STXBP4: variants seen among roughly 807,000 people sequenced by gnomAD.
STXBP4 encodes the protein syntaxin-binding protein 4.
STXBP4 carries 55 observed loss-of-function variants against 76.1 expected under a neutral mutation model. The observed-to-expected ratio is 0.72, with a 90% CI of 0.58 to 0.91. The LOEUF is 0.91. Among genes scored for constraint, STXBP4 ranks in the 40% least tolerant of loss-of-function variants. The probability of loss-of-function intolerance (pLI) is 0.00; values close to 1 mark genes in which losing one functional copy is unlikely to be tolerated. For synonymous variants in STXBP4, 201 were observed against 220.2 expected, an observed-to-expected ratio of 0.91 and a Z score of 0.77; for missense variants, 618 against 636.9, an observed-to-expected ratio of 0.97 and a Z score of 0.32.
At chr17:55,000,600 G>C (rs2077894948) in intron 6 of STXBP4, among the ~76,000 whole-genome samples, 1 of 152,054 alleles carries the variant, frequency 6.6e-6, no homozygotes, top group Admixed American at 6.5e-5. Context: ...CTTATATTTT[G>C]TTATCCTTGG....
At chr17:55,092,175 T>A (rs1458646539) in intron 16 of STXBP4, among the ~76,000 whole-genome samples, 2 of 151,604 alleles carry the variant, frequency 1.3e-5, no homozygotes, top group Non-Finnish European at 1.5e-5. Flanking sequence ...TGGGAGGGGG[T>A]TAAGGGATAA....
intron 3 of STXBP4, among the ~76,000 whole-genome samples, chr17:54,988,071 A>G (rs1047019589): frequency 2.0e-5 from 3 of 152,236 alleles, no homozygotes; most frequent in Admixed American, 1.3e-4. Context: ...TGCTATGAAC[A>G]TATAAATTTA....
intron 16 of STXBP4, among the ~76,000 whole-genome samples, chr17:55,139,206 T>C (rs959855638): frequency 6.6e-6 from 1 of 152,174 alleles, no homozygotes; most frequent in Non-Finnish European, 1.5e-5. Context: ...GCAGAAATTC[T>C]ATTCTGATGG....
At chr17:55,127,674 A>G (rs750922579) in intron 16 of STXBP4, among the ~76,000 whole-genome samples, 15 of 152,318 alleles carry the variant, frequency 9.8e-5, no homozygotes, top group Non-Finnish European at 1.9e-4. Flanking sequence ...ATAACCCTCT[A>G]TGAAGGTGTT....
intron 8 of STXBP4, among the ~76,000 whole-genome samples, chr17:55,026,804 A>G (rs939788911): frequency 6.6e-6 from 1 of 152,192 alleles, no homozygotes; most frequent in Non-Finnish European, 1.5e-5. Context: ...AATTCACAAT[A>G]TAATCTCAAA....
intron 16 of STXBP4, among the ~76,000 whole-genome samples, chr17:55,135,206 T>G (rs890530287): frequency 1.3e-5 from 2 of 152,142 alleles, no homozygotes; most frequent in African/African-American, 4.8e-5. Flanking sequence ...CCTCTAGAAA[T>G]TTTTAACAAT....
intron 8 of STXBP4, among the ~76,000 whole-genome samples, chr17:55,016,103 A>G (rs1317211398): frequency 1.3e-5 from 2 of 152,172 alleles, no homozygotes; most frequent in Admixed American, 1.3e-4. Flanking sequence ...TGGAAAAAGA[A>G]CAGGGATGCC....
chr17:55,068,063 G>A (rs901198928), intron 12 of STXBP4, among the ~76,000 whole-genome samples: 34 of 152,208 alleles, frequency 2.2e-4, no homozygotes, highest in Non-Finnish European at 4.6e-4. Context: ...CCATTGAAAG[G>A]TATATTATAT....
At chr17:54,991,813 TTAA>T (rs1350793808) in intron 4 of STXBP4, 2 of 150,926 alleles carry the variant, frequency 1.3e-5, no homozygotes, top group South Asian at 2.1e-4. Context: ...TAAAATTATA[TTAA>T]TAATTAAGAA....
chr17:55,195,438 T>TCAA, the STXBP4 span, among the ~76,000 whole-genome samples: 1 of 152,194 alleles, frequency 6.6e-6, no homozygotes, highest in Non-Finnish European at 1.5e-5. Context: ...ACTGTGCCTT[T>TCAA]TAATTTTTTA....
chr17:55,170,876 G>T lies in STXBP4; in HGVS notation c.*10965G>T, dbSNP rs1050404817. The T allele has an allele frequency of 6.6e-6, 1 of 152,208 alleles. No individual in the cohort carries two copies. The highest frequency in any genetic ancestry group is 1.5e-5 in the Non-Finnish European group (1 of 68,038). The allele number at this position is 152,208 out of a possible 1,614,324, so 9.4% of individuals were successfully genotyped here. ...TTTTCCTGCTAGAAATGCTAGAGTT[G>T]TCACAGATGTGATATTTATGTTTTC... On this transcript the variant is annotated 3_prime_UTR_variant, in exon 18 of 18. Transcript: ENST00000376352.
chr17:55,031,159 A>T lies in STXBP4; in HGVS notation c.667-9A>T, dbSNP rs372266941. 6.2e-7 allele frequency: 1 copy of T among 1,610,362 alleles called. No individual in the cohort carries two copies. The highest frequency in any genetic ancestry group is 1.1e-5 in the South Asian group (1 of 90,760). Reference sequence around the variant, plus strand: ...AAAAATTGCTTTTCATGAGTCCTTTATCTTCCAGGCTCTAAATTATCTTGG... The same window carrying T: ...AAAAATTGCTTTTCATGAGTCCTTTTTCTTCCAGGCTCTAAATTATCTTGG... On this transcript the variant is annotated splice_polypyrimidine_tract_variant and intron_variant, in intron 8 of 17. Coordinates refer to ENST00000376352, the MANE Select transcript of STXBP4 (RefSeq NM_178509.6).
At chr17:55,090,928 C>T (rs963668163) in intron 16 of STXBP4, among the ~76,000 whole-genome samples, 1 of 150,594 alleles carries the variant, frequency 6.6e-6, no homozygotes, top group Non-Finnish European at 1.5e-5. Flanking sequence ...TATCACCCTG[C>T]ATCAGAAACA....
chr17:55,135,388 G>T (rs2080018292), intron 16 of STXBP4, among the ~76,000 whole-genome samples: 1 of 151,908 alleles, frequency 6.6e-6, no homozygotes, highest in African/African-American at 2.4e-5. Flanking sequence ...AAACAACAAT[G>T]ATGTATATAA....
intron 16 of STXBP4, among the ~76,000 whole-genome samples, chr17:55,084,795 T>C (rs936613382): frequency 1.2e-4 from 19 of 152,216 alleles, no homozygotes; most frequent in African/African-American, 4.6e-4. Flanking sequence ...TAGTTGTAGA[T>C]ATGCGGCGTT....
At chr17:55,157,584 A>G (rs1245482723) in intron 17 of STXBP4, among the ~76,000 whole-genome samples, 1 of 152,224 alleles carries the variant, frequency 6.6e-6, no homozygotes, top group Non-Finnish European at 1.5e-5. Flanking sequence ...GAAGCTGTGA[A>G]GATGCCTGGG....
chr17:55,185,308 T>TCCTCCTCCTC, the STXBP4 span, among the ~76,000 whole-genome samples: 7 of 71,546 alleles, frequency 9.8e-5, no homozygotes, highest in South Asian at 5.5e-4. Context: ...TCCTTCTCCT[T>TCCTCCTCCTC]CTCCTTCTCC....
chr17:55,043,611 G>A (rs1298270160), intron 11 of STXBP4: 16 of 1,549,292 alleles, frequency 1.0e-5, no homozygotes, highest in Non-Finnish European at 1.3e-5. Context: ...TCTCTCATTA[G>A]TGGCCAGGGC....
the STXBP4 span, among the ~76,000 whole-genome samples, chr17:55,189,798 G>A: frequency 6.6e-6 from 1 of 152,206 alleles, no homozygotes; most frequent in Non-Finnish European, 1.5e-5. Flanking sequence ...TGCTACCCAG[G>A]TGGTGTGATT....
Sources: allele counts gnomAD v4.1 joint callset (sites outside exome capture counted in the v4.1 genomes callset), GRCh38; gene constraint gnomAD v4.1.1; transcripts MANE v1.5; gene names NCBI Gene and HGNC (gene_info 2026-07-23, HGNC 2026-07-21).